Variants in UST observed in about 807,000 individuals in gnomAD.
UST encodes uronyl 2-sulfotransferase, also known as chondroitin sulfate 2-O-sulfotransferase.
In UST, 21 loss-of-function variants were observed where a neutral mutation model predicts 45.6. That is an observed-to-expected ratio of 0.46 (90% CI 0.33 to 0.66). The LOEUF is 0.66. Among genes scored for constraint, UST ranks in the 30% least tolerant of loss-of-function variants. The pLI, the probability that UST is intolerant of heterozygous loss-of-function variation, is 0.02. For missense variants in UST, 463 were observed against 512.4 expected (o/e 0.90, Z 0.93); for synonymous variants, 215 against 200.6 (o/e 1.07, Z -0.61).
At chr6:148,765,463 A>C (rs996197930) in intron 1 of UST, among the ~76,000 whole-genome samples, 15 of 152,164 alleles carry the variant, frequency 9.9e-5, no homozygotes, top group African/African-American at 3.6e-4. Flanking sequence ...TTTTGGTTCC[A>C]TATAAATTTT....
rs1775978818 is a variant in UST at position 149,021,340 on chromosome 6, G to A, written c.796G>A (p.Ala266Thr). 1 of 1,612,982 alleles carries A rather than the reference G, an allele frequency of 6.2e-7. No homozygotes were observed. Among genetic ancestry groups the A allele is most frequent in the Non-Finnish European group, 8.5e-7 (1 of 1,179,394 alleles). The part of the protein sequence containing the change: ...HPRCREPGEW[A>T]LERAKLNVNE... ...TCCATAAAGGGAGCCTGGTGAATGG[G>A]CCCTTGAGAGAGCAAAGCTGAACGT... Residue 266 changes from alanine (A) to threonine (T), a missense_variant, in exon 7 of 8, where the codon GCC becomes ACC. This residue lies in a region of UST where 287 missense variants were observed against 374.2 expected (regional missense o/e 0.77). Transcript: ENST00000367463.
chr6:148,834,347 G>A (rs1777746435), intron 1 of UST, among the ~76,000 whole-genome samples: 1 of 152,196 alleles, frequency 6.6e-6, no homozygotes, highest in African/African-American at 2.4e-5. Flanking sequence ...TTTTCTAGGT[G>A]AAAGTAAATC....
At chr6:148,803,154 A>G (rs1777082136) in intron 1 of UST, among the ~76,000 whole-genome samples, 1 of 152,086 alleles carries the variant, frequency 6.6e-6, no homozygotes, top group Non-Finnish European at 1.5e-5. Flanking sequence ...AGATTATAGT[A>G]TTTTCTGCCA....
intron 1 of UST, among the ~76,000 whole-genome samples, chr6:148,852,020 C>G (rs186268200): frequency 7.9e-4 from 120 of 152,262 alleles, no homozygotes; most frequent in African/African-American, 2.7e-3. Flanking sequence ...GCAAGGAATC[C>G]GAGGATGATG....
chr6:149,056,274 A>G (rs1377216475), intron 7 of UST, among the ~76,000 whole-genome samples: 2 of 151,174 alleles, frequency 1.3e-5, no homozygotes, highest in Non-Finnish European at 3.0e-5. Flanking sequence ...TGCCCAGCTA[A>G]TTTTTGCATT....
intron 1 of UST, among the ~76,000 whole-genome samples, chr6:148,882,967 G>C (rs936775088): frequency 6.6e-6 from 1 of 152,264 alleles, no homozygotes; most frequent in Non-Finnish European, 1.5e-5. Flanking sequence ...TGAGGAGGTA[G>C]AGAACTAGTG....
chr6:149,021,214 A>T, intron 6 of UST, 110 bp from the exon 7 acceptor site: 1 of 1,255,388 alleles, frequency 8.0e-7, no homozygotes, highest in South Asian at 1.5e-5. Flanking sequence ...GGGAAACAGG[A>T]TTTGGACTTA....
chr6:149,014,834 G>T (rs1349904847), intron 5 of UST, among the ~76,000 whole-genome samples: 2 of 152,196 alleles, frequency 1.3e-5, no homozygotes, highest in African/African-American at 4.8e-5. Context: ...CAAATGCCCT[G>T]GAAGTCTGGC....
intron 1 of UST, among the ~76,000 whole-genome samples, chr6:148,808,401 GGA>G (rs1777191050): frequency 2.6e-5 from 4 of 152,054 alleles, no homozygotes; most frequent in Admixed American, 6.5e-5. Context: ...CCCTTTCCTA[GGA>G]GAGATGGCTT....
intron 1 of UST, among the ~76,000 whole-genome samples, chr6:148,852,084 G>C (rs996524107): frequency 6.6e-6 from 1 of 152,204 alleles, no homozygotes; most frequent in Non-Finnish European, 1.5e-5. Context: ...CAGCAATCAT[G>C]CTCTTTCATC....
At chr6:149,005,414 G>A (rs942336809) in intron 5 of UST, 1 of 985,334 alleles carries the variant, frequency 1.0e-6, no homozygotes, top group African/African-American at 1.7e-5. Flanking sequence ...TGACCTCTGG[G>A]AGCCTTCTGA....
intron 5 of UST, among the ~76,000 whole-genome samples, chr6:149,004,667 C>A (rs774710691): frequency 5.3e-5 from 8 of 152,154 alleles, no homozygotes; most frequent in Non-Finnish European, 7.3e-5. Context: ...TCTAGATGAA[C>A]CAGGAGTACT....
rs571742111 is a variant in UST at position 149,017,374 on chromosome 6, C to CAA, written c.682-1755_682-1754dup. 9.0e-3 allele frequency among the ~76,000 whole-genome samples: 1,179 copies of CAA among 130,548 alleles called. 29 individuals are homozygous for CAA. Among genetic ancestry groups the CAA allele is most frequent in the African/African-American group, 0.032 (1,135 of 35,000 alleles). The allele number at this position is 130,548 out of a possible 152,430, so 85.6% of individuals were successfully genotyped here. On this transcript the variant is annotated intron_variant, in intron 5 of 7. Transcript: ENST00000367463. ...CCTGGGGGACAGCAAGACTCTGTCT[C>CAA]AAAAAAAAAAACAAAAAAAGTAAGA...
chr6:149,010,865 C>T (rs1775794630), intron 5 of UST, among the ~76,000 whole-genome samples: 1 of 122,850 alleles, frequency 8.1e-6, no homozygotes, highest in Admixed American at 1.0e-4. Context: ...GCACTGCAGC[C>T]TGGGAGACAG....
At chr6:148,888,851 G>A (rs1270834510) in intron 2 of UST, among the ~76,000 whole-genome samples, 1 of 152,180 alleles carries the variant, frequency 6.6e-6, no homozygotes, top group Non-Finnish European at 1.5e-5. Flanking sequence ...CTATTCTAGA[G>A]GAGCAAAGGA....
intron 7 of UST, among the ~76,000 whole-genome samples, chr6:149,034,217 C>G (rs1209817840): frequency 1.3e-5 from 2 of 152,096 alleles, no homozygotes; most frequent in Non-Finnish European, 2.9e-5. Context: ...AATTGTTTTT[C>G]CTGGAATTAT....
rs150018686 is a variant in UST, at chr6:148,912,724, T to A, written c.291+25695T>A. Among the ~76,000 whole-genome samples, 131 of 152,346 alleles carry A rather than the reference T, an allele frequency of 8.6e-4. No individual in the cohort carries two copies. In the Middle Eastern group the frequency reaches 0.014, roughly 16 times the overall value. ...AAGAGGATGTGTTTTATTTTTATCT[T>A]GTGATGAAACGCCCTCTGATGAGCA... On this transcript the variant is annotated intron_variant, in intron 2 of 7. Coordinates refer to ENST00000367463, the MANE Select transcript of UST (RefSeq NM_005715.3).
intron 1 of UST, among the ~76,000 whole-genome samples, chr6:148,766,497 T>C (rs770301074): frequency 2.6e-5 from 4 of 152,186 alleles, no homozygotes; most frequent in African/African-American, 4.8e-5. Context: ...ACCAGTTATA[T>C]GCTGAGTGCT....
chr6:148,922,497 T>C (rs1779730097), intron 2 of UST, among the ~76,000 whole-genome samples: 4 of 151,180 alleles, frequency 2.6e-5, no homozygotes, highest in Admixed American at 2.0e-4. Flanking sequence ...TTTTTCTTTT[T>C]TTTTTTTTTG....
Sources: gnomAD v4.1 joint callset for allele counts (sites outside exome capture counted in the v4.1 genomes callset) on GRCh38, gnomAD v4.1.1 for gene constraint, gnomAD v4.1.1 regional missense constraint, MANE v1.5 for transcripts, NCBI Gene and HGNC (gene_info 2026-07-23, HGNC 2026-07-21) for gene names.